The following PJA2 variants were observed in gnomAD, a reference collection of about 807,000 sequenced individuals.
The protein encoded by PJA2 is praja ring finger ubiquitin ligase 2.
A neutral mutation model predicts 69.3 loss-of-function variants in PJA2; 25 were observed. That is an observed-to-expected ratio of 0.36 (90% CI 0.26 to 0.50). The LOEUF (loss-of-function observed/expected upper bound fraction) is 0.50, where lower values mean the gene tolerates loss of function less well. PJA2 is among the 20% of genes least tolerant of loss of function. The pLI, the probability that PJA2 is intolerant of heterozygous loss-of-function variation, is 0.96. For synonymous variants in PJA2, 308 were observed against 277.8 expected (o/e 1.11, Z -1.08); for missense variants, 809 against 830.2 (o/e 0.97, Z 0.31).
At chr5:109,395,950 A>G (rs569161460) in intron 1 of PJA2, among the ~76,000 whole-genome samples, 1 of 151,634 alleles carries the variant, frequency 6.6e-6, no homozygotes, top group South Asian at 2.1e-4. Flanking sequence ...CAGTGAGCCG[A>G]GAATGCACCA....
chr5:109,393,567 G>A (rs565482802), intron 1 of PJA2, among the ~76,000 whole-genome samples: 283 of 151,408 alleles, frequency 1.9e-3, no homozygotes, highest in African/African-American at 6.2e-3. Context: ...CCAGGAGTTC[G>A]AGGCTGCAGT....
intron 1 of PJA2, among the ~76,000 whole-genome samples, chr5:109,383,762 G>A (rs774031115): frequency 1.3e-5 from 2 of 152,070 alleles, no homozygotes; most frequent in Non-Finnish European, 2.9e-5. Context: ...GTGAAAGTCT[G>A]TCTCTGCAAG....
At chr5:109,350,989 C>T (rs960658956) in intron 7 of PJA2, among the ~76,000 whole-genome samples, 1 of 152,030 alleles carries the variant, frequency 6.6e-6, no homozygotes, top group African/African-American at 2.4e-5. Context: ...TTATACTTGC[C>T]TTTCTTCCAC....
intron 4 of PJA2, among the ~76,000 whole-genome samples, chr5:109,371,173 C>T (rs1381222535): frequency 2.0e-5 from 3 of 152,110 alleles, no homozygotes; most frequent in African/African-American, 4.8e-5. Context: ...GCAGACCCCA[C>T]GCCTATATCA....
At chr5:109,400,480 AG>A (rs879317404) in intron 1 of PJA2, among the ~76,000 whole-genome samples, 3,993 of 18,254 alleles carry the variant, frequency 0.22, 62 homozygotes, top group Middle Eastern at 0.33. Context: ...GCAAACCAGC[AG>A]GGGGAGGGGG....
intron 1 of PJA2, among the ~76,000 whole-genome samples, chr5:109,386,288 G>A (rs941963098): frequency 4.6e-5 from 7 of 152,144 alleles, no homozygotes; most frequent in African/African-American, 1.7e-4. Flanking sequence ...AACTGATCGT[G>A]CCAAAAGTTA....
At chr5:109,340,651 TCCCCCTCCCC>T (rs1561338740) in intron 9 of PJA2, among the ~76,000 whole-genome samples, 5 of 616 alleles carry the variant, frequency 8.1e-3, no homozygotes, top group African/African-American at 0.013. Flanking sequence ...CCCCTCCCCC[TCCCCCTCCCC>T]CTCCCCCTCC....
At chr5:109,404,159 A>C (rs1295801843) in intron 1 of PJA2, among the ~76,000 whole-genome samples, 2 of 152,132 alleles carry the variant, frequency 1.3e-5, no homozygotes, top group Non-Finnish European at 1.5e-5. Context: ...ATAAAAGGCC[A>C]CTTGTCTTAG....
intron 6 of PJA2, among the ~76,000 whole-genome samples, chr5:109,358,039 C>G (rs1346357583): frequency 6.6e-6 from 1 of 152,210 alleles, no homozygotes; most frequent in Non-Finnish European, 1.5e-5. Flanking sequence ...TGGCTGTAAT[C>G]CCTGTTGGGA....
intron 9 of PJA2, among the ~76,000 whole-genome samples, chr5:109,342,208 AG>A (rs1762081192): frequency 2.4e-5 from 1 of 42,526 alleles, no homozygotes; most frequent in Non-Finnish European, 4.4e-5. Flanking sequence ...GGGGGGGGTC[AG>A]CCCCCCCGCC....
chr5:109,374,941 CT>C (rs746085712), intron 4 of PJA2, among the ~76,000 whole-genome samples: 1 of 152,090 alleles, frequency 6.6e-6, no homozygotes, highest in Non-Finnish European at 1.5e-5. Context: ...AACCTTAGCT[CT>C]TTGGTCTAAT....
chr5:109,381,905 A>G (rs889621951), intron 2 of PJA2, among the ~76,000 whole-genome samples: 9 of 152,324 alleles, frequency 5.9e-5, no homozygotes, highest in African/African-American at 1.7e-4. Context: ...AATAAGAGTT[A>G]GTGGCCTTTT....
chr5:109,396,638 G>C (rs1186977497), intron 1 of PJA2, among the ~76,000 whole-genome samples: 1 of 150,910 alleles, frequency 6.6e-6, no homozygotes, highest in African/African-American at 2.4e-5. Flanking sequence ...TGTTGGTCAG[G>C]CTAGTCTTGA....
intron 7 of PJA2, among the ~76,000 whole-genome samples, chr5:109,346,300 C>T (rs920582804): frequency 6.6e-6 from 1 of 152,216 alleles, no homozygotes; most frequent in Non-Finnish European, 1.5e-5. Context: ...TGGGCCTCCC[C>T]TCCTGGTTGG....
At chr5:109,379,463 A>G (rs776069968) in intron 3 of PJA2, among the ~76,000 whole-genome samples, 2 of 152,152 alleles carry the variant, frequency 1.3e-5, no homozygotes, top group Non-Finnish European at 2.9e-5. Flanking sequence ...GCCTTTCACT[A>G]TCATCTCCCT....
At chr5:109,389,902 C>T (rs1747242200) in intron 1 of PJA2, among the ~76,000 whole-genome samples, 1 of 146,604 alleles carries the variant, frequency 6.8e-6, no homozygotes, top group African/African-American at 2.6e-5. Flanking sequence ...TATTTGCAGT[C>T]TATTTTTTTT....
chr5:109,369,385 CT>C (rs1178683105), intron 4 of PJA2, among the ~76,000 whole-genome samples: 1 of 152,118 alleles, frequency 6.6e-6, no homozygotes, highest in Non-Finnish European at 1.5e-5. Context: ...GAATATATCA[CT>C]TTACTTTTTC....
chr5:109,346,322 T>C (rs1348847465), intron 7 of PJA2, among the ~76,000 whole-genome samples: 2 of 152,162 alleles, frequency 1.3e-5, no homozygotes, highest in African/African-American at 2.4e-5. Flanking sequence ...GTGCAGAATA[T>C]TACAGCTGCT....
At chr5:109,355,837 T>C (rs1185636468) in intron 7 of PJA2, 78 bp downstream of exon 7, 1 of 938,518 alleles carries the variant, frequency 1.1e-6, no homozygotes, top group Non-Finnish European at 1.6e-6. Flanking sequence ...TTCTTAAGAG[T>C]AGTCTAAAAA....
Sources: allele counts gnomAD v4.1 joint callset (sites outside exome capture counted in the v4.1 genomes callset), GRCh38; gene constraint gnomAD v4.1.1; transcripts MANE v1.5; gene names NCBI Gene and HGNC (gene_info 2026-07-23, HGNC 2026-07-21).